PARN: variants seen among roughly 807,000 people sequenced by gnomAD.
PARN encodes the protein poly(A)-specific ribonuclease PARN.
A neutral mutation model predicts 102.8 loss-of-function variants in PARN; 71 were observed. That is an observed-to-expected ratio of 0.69 (90% CI 0.57 to 0.84). The LOEUF is 0.84. Among genes scored for constraint, PARN ranks in the 40% least tolerant of loss-of-function variants. The pLI, the probability that PARN is intolerant of heterozygous loss-of-function variation, is 0.00. For synonymous variants in PARN, 261 were observed against 252.9 expected (o/e 1.03, Z -0.30); for missense variants, 782 against 760.9 (o/e 1.03, Z -0.33).
At chr16:14,489,648 C>T (rs940933672) in intron 21 of PARN, among the ~76,000 whole-genome samples, 1 of 152,116 alleles carries the variant, frequency 6.6e-6, no homozygotes, top group African/African-American at 2.4e-5. Context: ...AACTCAGATG[C>T]CAGACTTCAG....
intron 21 of PARN, among the ~76,000 whole-genome samples, chr16:14,540,954 A>G (rs1966821689): frequency 6.6e-6 from 1 of 152,046 alleles, no homozygotes. Context: ...CCGTCTTGAA[A>G]AAACAAACAA....
intron 6 of PARN, among the ~76,000 whole-genome samples, chr16:14,614,913 T>TGTG (rs1971794055): frequency 2.5e-5 from 3 of 122,232 alleles, no homozygotes; most frequent in South Asian, 5.4e-4. Context: ...CTGAAGGTGG[T>TGTG]GTGGGGAAAC....
At chr16:14,538,679 A>T (rs1966720306) in intron 21 of PARN, among the ~76,000 whole-genome samples, 1 of 152,204 alleles carries the variant, frequency 6.6e-6, no homozygotes, top group South Asian at 2.1e-4. Context: ...TCTTAGGTCC[A>T]GCTAACATAG....
chr16:14,550,456 T>A (rs1199827983), intron 21 of PARN, among the ~76,000 whole-genome samples: 1 of 152,098 alleles, frequency 6.6e-6, no homozygotes, highest in African/African-American at 2.4e-5. Flanking sequence ...CTAAAGTCCA[T>A]ACTATTATGC....
intron 12 of PARN, among the ~76,000 whole-genome samples, chr16:14,595,413 G>A (rs940194230): frequency 6.6e-6 from 1 of 152,162 alleles, no homozygotes; most frequent in African/African-American, 2.4e-5. Flanking sequence ...TGCCCAGGCT[G>A]TAGTGCAATG....
intron 21 of PARN, among the ~76,000 whole-genome samples, chr16:14,549,541 T>C (rs1390536703): frequency 1.3e-5 from 2 of 152,234 alleles, no homozygotes; most frequent in Non-Finnish European, 2.9e-5. Flanking sequence ...TAAAAGCTAC[T>C]GTTTTAAGAA....
At chr16:14,488,883 A>C (rs1440782241) in intron 21 of PARN, among the ~76,000 whole-genome samples, 1 of 152,162 alleles carries the variant, frequency 6.6e-6, no homozygotes, top group Non-Finnish European at 1.5e-5. Flanking sequence ...AAAAAAAAAA[A>C]ACTGTTCATA....
chr16:14,477,698 G>A (rs1596477766), intron 22 of PARN, among the ~76,000 whole-genome samples: 1 of 151,616 alleles, frequency 6.6e-6, no homozygotes, highest in Non-Finnish European at 1.5e-5. Flanking sequence ...AAAATTGCTT[G>A]AACCAGGGAG....
chr16:14,610,566 A>G (rs1567447670), intron 7 of PARN, 78 bp downstream of exon 7: 3 of 846,192 alleles, frequency 3.5e-6, no homozygotes, highest in South Asian at 3.0e-5. Flanking sequence ...TTTGTAAAGC[A>G]CAGGTTTGAG....
chr16:14,486,744 C>T (rs767896819), intron 21 of PARN, among the ~76,000 whole-genome samples: 2 of 152,218 alleles, frequency 1.3e-5, no homozygotes, highest in Admixed American at 6.5e-5. Flanking sequence ...CTCAAAGCCA[C>T]GCCTCTAATG....
intron 18 of PARN, among the ~76,000 whole-genome samples, chr16:14,570,322 A>C (rs1452248302): frequency 4.6e-4 from 1 of 2,154 alleles, no homozygotes; most frequent in Admixed American, 3.6e-3. Flanking sequence ...ACTCTGTCTC[A>C]AAAAAAAAAA....
In PARN at chr16:14,472,764, T is replaced by C. The variant is rs1415365439; in HGVS notation, c.1670+9874A>G. Among the ~76,000 whole-genome samples, 5 of 152,292 alleles carry C rather than the reference T, an allele frequency of 3.3e-5. No individual in the cohort carries two copies. In the South Asian group the frequency reaches 6.2e-4, roughly 19 times the overall value. On this transcript the variant is annotated intron_variant, in intron 22 of 23. Transcript: ENST00000437198. ...CAAAACAATATAACATTTAAGAAAATTACTTCCCTCAAAAAAGTCCACACA... is the reference window on the plus strand; with the variant it reads ...CAAAACAATATAACATTTAAGAAAACTACTTCCCTCAAAAAAGTCCACACA...
At chr16:14,590,234 CAAAAAAAAAAAA>C (rs11302769) in intron 13 of PARN, among the ~76,000 whole-genome samples, 502 of 45,996 alleles carry the variant, frequency 0.011, 7 homozygotes, top group African/African-American at 0.049. Flanking sequence ...GACTCCATCT[CAAAAAAAAAAAA>C]AAAAAAAAAA....
intron 22 of PARN, among the ~76,000 whole-genome samples, chr16:14,481,894 A>G (rs906988631): frequency 6.6e-6 from 1 of 152,202 alleles, no homozygotes; most frequent in Non-Finnish European, 1.5e-5. Context: ...ATGGGTGATA[A>G]AAGGAAGTGT....
intron 23 of PARN, among the ~76,000 whole-genome samples, chr16:14,441,799 A>G (rs1960953487): frequency 6.6e-6 from 1 of 152,226 alleles, no homozygotes; most frequent in South Asian, 2.1e-4. Flanking sequence ...CTCTCAGGTG[A>G]CCGACAGCAG....
chr16:14,536,641 C>CA (rs1238039909), intron 21 of PARN, among the ~76,000 whole-genome samples: 3 of 152,056 alleles, frequency 2.0e-5, no homozygotes, highest in African/African-American at 7.2e-5. Context: ...TATTAATCTG[C>CA]AATTATCTTT....
In PARN at chr16:14,580,855, G is replaced by C. The variant is rs527316482; in HGVS notation, c.1262+19C>G. ...CCACAGTGAGAGAACTTGGAAACTG[G>C]AACTCTCTGATTACTTACTTGTTAA... On this transcript the variant is annotated intron_variant, in intron 18 of 23. Transcript: ENST00000437198. 1.3e-6 allele frequency: 2 copies of C among 1,507,120 alleles called. No individual in the cohort carries two copies. Among genetic ancestry groups the C allele is most frequent in the Non-Finnish European group, 1.8e-6 (2 of 1,083,998 alleles). The allele number at this position is 1,507,120 out of a possible 1,614,324, so 93.4% of individuals were successfully genotyped here.
chr16:14,572,299 C>A (rs911954424), intron 18 of PARN, among the ~76,000 whole-genome samples: 2 of 152,076 alleles, frequency 1.3e-5, no homozygotes, highest in African/African-American at 4.8e-5. Context: ...CAAATAAAGC[C>A]TTGTTCTGTC....
chr16:14,582,304 A>T lies in PARN; in HGVS notation c.1082-13T>A, dbSNP rs188469919. On this transcript the variant is annotated splice_polypyrimidine_tract_variant and intron_variant, in intron 16 of 23. Coordinates refer to ENST00000437198, the MANE Select transcript of PARN (RefSeq NM_002582.4). ...CCTTCGGCACTTTCTAAGAAAAAAA[A>T]GGAAAAAGTTTTCCTCAAAACAAAG... 109 of 1,582,806 alleles carry T rather than the reference A, an allele frequency of 6.9e-5. No homozygotes were observed. The East Asian group carries it at 2.2e-3, about 32-fold the overall frequency.
Sources: allele counts gnomAD v4.1 joint callset (sites outside exome capture counted in the v4.1 genomes callset), GRCh38; gene constraint gnomAD v4.1.1; transcripts MANE v1.5; gene names NCBI Gene and HGNC (gene_info 2026-07-23, HGNC 2026-07-21).